The following DISC1 variants were observed in gnomAD, a reference collection of about 807,000 sequenced individuals.
DISC1 encodes disrupted in schizophrenia 1 protein.
Under a neutral mutation model 84.5 loss-of-function variants are expected in DISC1, and 57 were observed. That is an observed-to-expected ratio of 0.67 (90% confidence interval 0.55 to 0.84). The LOEUF (loss-of-function observed/expected upper bound fraction) is 0.84, where lower values mean the gene tolerates loss of function less well. DISC1 is among the 40% of genes least tolerant of loss of function. The pLI, the probability that DISC1 is intolerant of heterozygous loss-of-function variation, is 0.00. For synonymous variants in DISC1, 411 were observed against 415.2 expected, an observed-to-expected ratio of 0.99 and a Z score of 0.12; for missense variants, 1,000 against 1,057.8, an observed-to-expected ratio of 0.95 and a Z score of 0.76.
At chr1:231,966,589 G>A (rs576438021) in intron 10 of DISC1, among the ~76,000 whole-genome samples, 1 of 152,336 alleles carries the variant, frequency 6.6e-6, no homozygotes, top group African/African-American at 2.4e-5. Context: ...CTGAGGATGG[G>A]TGTAGTGGTT....
At position 231,874,347 on chromosome 1, in the gene DISC1, G is replaced by A. The variant is rs545055001; in HGVS notation, c.1981+55830G>A. 4.8e-3 allele frequency among the ~76,000 whole-genome samples: 725 copies of A among 151,662 alleles called. 7 individuals are homozygous for A. Among genetic ancestry groups the A allele is most frequent in the African/African-American group, 0.017 (689 of 41,388 alleles). ...TATTTTATTTTTATTTTTTAGTAAA[G>A]ATGGGGTTTCACCATGTTGGCCAGG... is the stretch of plus-strand genomic sequence containing the variant. On this transcript the variant is annotated intron_variant, in intron 9 of 12. Transcript: ENST00000439617.
At position 232,031,326 on chromosome 1, in the gene DISC1, G is replaced by GA. The variant is rs1553425859; in HGVS notation, c.2425+4777dup. 2.5e-3 allele frequency among the ~76,000 whole-genome samples: 369 copies of GA among 148,338 alleles called. 2 individuals are homozygous for GA. Among genetic ancestry groups the GA allele is most frequent in the African/African-American group, 8.6e-3 (346 of 40,158 alleles). ...AAGGAGAGAGGGAAGGAGAGAAAAG[G>GA]AAAGGAAAAGGAAAAGAGGAAAGAA... On this transcript the variant is annotated intron_variant, in intron 12 of 12. Transcript: ENST00000439617. This position sits in a 1 kb window ranked among gnomAD's most constrained non-coding sequence, Gnocchi z 4.6.
intron 9 of DISC1, among the ~76,000 whole-genome samples, chr1:231,929,445 C>T (rs1217157401): frequency 6.6e-6 from 1 of 152,236 alleles, no homozygotes; most frequent in Non-Finnish European, 1.5e-5. Context: ...ACGCCGAAAA[C>T]GGCTTGAATC....
intron 12 of DISC1, among the ~76,000 whole-genome samples, chr1:232,032,678 C>G (rs200576002): frequency 6.6e-6 from 1 of 152,170 alleles, no homozygotes; most frequent in South Asian, 2.1e-4. Flanking sequence ...AAGGCACAGG[C>G]TTCATAAGAA....
intron 9 of DISC1, among the ~76,000 whole-genome samples, chr1:231,916,741 C>T (rs914528050): frequency 6.6e-6 from 1 of 151,898 alleles, no homozygotes; most frequent in African/African-American, 2.4e-5. Context: ...AAATTCTGTG[C>T]ACAATGAGTT....
rs770939443 is a variant in DISC1, at chr1:231,818,507, G to C, written c.1971G>C (p.Glu657Asp). Residue 657 changes from glutamate to aspartate, a missense_variant, in exon 9 of 13, where the codon GAG becomes GAC. Transcript: ENST00000439617. ...TGAGAAGAGAAGTGGAGCACCAGGAGACTGCCTATGGTAGGTAGTGCACAA... is the reference window on the plus strand; with the variant it reads ...TGAGAAGAGAAGTGGAGCACCAGGACACTGCCTATGGTAGGTAGTGCACAA... ...NRLRREVEHQ[E>D]TAYETSVKEN... The C allele has an allele frequency of 6.2e-7, 1 of 1,614,116 alleles. No individual in the cohort carries two copies. The highest frequency in any genetic ancestry group is 8.5e-7 in the Non-Finnish European group (1 of 1,179,986).
intron 1 of DISC1, among the ~76,000 whole-genome samples, chr1:231,656,751 A>G (rs2061127508): frequency 6.6e-6 from 1 of 152,176 alleles, no homozygotes; most frequent in African/African-American, 2.4e-5. Context: ...CCCAGCATCA[A>G]TTAGCTATTC....
chr1:231,971,883 G>A (rs1662007750), intron 10 of DISC1, among the ~76,000 whole-genome samples: 1 of 152,176 alleles, frequency 6.6e-6, no homozygotes, highest in Non-Finnish European at 1.5e-5. Flanking sequence ...AAATTCCCCA[G>A]TAGAAATCAT....
intron 9 of DISC1, among the ~76,000 whole-genome samples, chr1:231,949,357 G>A (rs1657902335): frequency 6.6e-6 from 1 of 152,198 alleles, no homozygotes. Context: ...ACTTGGGGGT[G>A]AGGGCCGGTG....
chr1:231,992,516 G>C (rs900376522), intron 10 of DISC1, among the ~76,000 whole-genome samples: 1 of 152,126 alleles, frequency 6.6e-6, no homozygotes, highest in Non-Finnish European at 1.5e-5. Flanking sequence ...ATTGATATGG[G>C]TCTAAATTTT....
intron 9 of DISC1, among the ~76,000 whole-genome samples, chr1:231,844,152 G>A (rs970492320): frequency 6.6e-6 from 1 of 152,156 alleles, no homozygotes; most frequent in African/African-American, 2.4e-5. Context: ...TGCCTTTAGG[G>A]ACACACTAAC....
At chr1:231,634,922 A>C (rs1473746836) in intron 1 of DISC1, among the ~76,000 whole-genome samples, 1 of 44,380 alleles carries the variant, frequency 2.3e-5, no homozygotes, top group Non-Finnish European at 4.2e-5. Context: ...ACCCTGTCTC[A>C]AAAAAAAAAT....
At chr1:231,907,830 G>C (rs569699266) in intron 9 of DISC1, among the ~76,000 whole-genome samples, 1 of 152,286 alleles carries the variant, frequency 6.6e-6, no homozygotes, top group African/African-American at 2.4e-5. Flanking sequence ...ATCCTCTCCA[G>C]TACCTGTTGT....
intron 9 of DISC1, among the ~76,000 whole-genome samples, chr1:231,829,039 A>G (rs2082046909): frequency 6.6e-6 from 1 of 152,162 alleles, no homozygotes; most frequent in Non-Finnish European, 1.5e-5. Flanking sequence ...TTTTTTATGT[A>G]CATAACAGTC....
chr1:231,747,784 T>TC (rs1289677248), intron 3 of DISC1, among the ~76,000 whole-genome samples: 1 of 152,172 alleles, frequency 6.6e-6, no homozygotes, highest in East Asian at 1.9e-4. Context: ...GATTTTTTTT[T>TC]CTGTTTCTGT....
intron 1 of DISC1, among the ~76,000 whole-genome samples, chr1:231,657,203 A>G (rs2125334542): frequency 6.6e-6 from 1 of 152,334 alleles, no homozygotes; most frequent in Admixed American, 6.5e-5. Flanking sequence ...TTGAGGAATC[A>G]CTACACTGTC....
chr1:231,795,282 G>T lies in DISC1; in HGVS notation c.1675G>T (p.Glu559Ter). Reference sequence around the variant, plus strand: ...AAAATCCCTCAACTTGTCACTTAAAGAAATCACTACTAAGGTAAGTACCTT... The same window carrying T: ...AAAATCCCTCAACTTGTCACTTAAATAAATCACTACTAAGGTAAGTACCTT... Reference protein sequence around the residue: ...RIKSLNLSLKEITTKVCMSEK... With the variant: ...RIKSLNLSLK Residue 559 changes from glutamate to a stop codon, truncating the protein, a stop_gained, in exon 7 of 13, where the codon GAA (glutamate) becomes TAA (stop). Transcript: ENST00000439617. LOFTEE classifies it high-confidence loss of function. 1 of 1,613,426 alleles carries T rather than the reference G, an allele frequency of 6.2e-7. No individual in the cohort carries two copies. The highest frequency in any genetic ancestry group is 2.2e-5 in the East Asian group (1 of 44,862).
At chr1:231,841,949 T>G (rs1306428315) in intron 9 of DISC1, among the ~76,000 whole-genome samples, 1 of 152,336 alleles carries the variant, frequency 6.6e-6, no homozygotes, top group East Asian at 1.9e-4. Context: ...TTTGTAATTA[T>G]TTGTTTAAAT....
intron 11 of DISC1, among the ~76,000 whole-genome samples, chr1:232,023,045 T>A (rs1669112437): frequency 1.1e-5 from 1 of 93,044 alleles, no homozygotes; most frequent in South Asian, 3.5e-4. Context: ...CTAAAAAAAA[T>A]TTCAGGTAAA....
Sources: allele counts gnomAD v4.1 joint callset (sites outside exome capture counted in the v4.1 genomes callset), GRCh38; gene constraint gnomAD v4.1.1; non-coding constraint Gnocchi (gnomAD v3.1); transcripts MANE v1.5; gene names NCBI Gene and HGNC (gene_info 2026-07-23, HGNC 2026-07-21).